Variants in KANSL1L observed in about 807,000 individuals in gnomAD.
The protein encoded by KANSL1L is KAT8 regulatory NSL complex subunit 1-like protein.
In KANSL1L, 25 loss-of-function variants were observed where a neutral mutation model predicts 108.6. The observed-to-expected ratio is 0.23, with a 90% CI of 0.17 to 0.32. KANSL1L has a LOEUF of 0.32. KANSL1L is among the 10% of genes least tolerant of loss of function. KANSL1L has a pLI of 1.00. For synonymous variants in KANSL1L, 405 were observed against 395.1 expected (o/e 1.03, Z -0.30); for missense variants, 1,137 against 1,125.7 (o/e 1.01, Z -0.14).
rs1038005557 is a variant in KANSL1L, at chr2:210,104,448, T to C, written c.1231-147A>G. 2.6e-5 allele frequency: 16 copies of C among 619,410 alleles called. No individual in the cohort carries two copies. In the African/African-American group the frequency reaches 2.8e-4, roughly 11 times the overall value. 38.4% of individuals were successfully genotyped at this position (619,410 alleles called of 1,614,324 possible). A position where few individuals can be genotyped will look rare whatever the true frequency, so the allele number is the denominator to read the frequency against. ...TTGATAGTTTAACTCTGTAAAGAAC[T>C]GGCTGGTTTAAAACACATGTAGCTA... On this transcript the variant is annotated intron_variant, in intron 3 of 14. Coordinates refer to ENST00000281772, the MANE Select transcript of KANSL1L (RefSeq NM_152519.4).
At chr2:210,057,472 C>T (rs866391120) in intron 6 of KANSL1L, among the ~76,000 whole-genome samples, 28 of 152,258 alleles carry the variant, frequency 1.8e-4, no homozygotes, top group Middle Eastern at 6.8e-3. Flanking sequence ...GAGGCTGAGA[C>T]AGGCAGATCA....
intron 14 of KANSL1L, 61 bp from the exon 15 acceptor site, chr2:210,023,240 A>C (rs2093885378): frequency 8.6e-7 from 1 of 1,156,548 alleles, no homozygotes; most frequent in East Asian, 2.4e-5. Flanking sequence ...AATTCATCTA[A>C]CAAGTAATCT....
At chr2:210,107,701 T>A (rs1035950382) in intron 3 of KANSL1L, among the ~76,000 whole-genome samples, 5 of 151,708 alleles carry the variant, frequency 3.3e-5, no homozygotes, top group South Asian at 2.1e-4. Flanking sequence ...GCTAATTTTT[T>A]AAAAAATATT....
At chr2:210,100,688 G>A (rs982077489) in intron 4 of KANSL1L, among the ~76,000 whole-genome samples, 1 of 152,174 alleles carries the variant, frequency 6.6e-6, no homozygotes, top group African/African-American at 2.4e-5. Context: ...ATCCAGGCTA[G>A]AGTGCAGTGG....
chr2:210,042,002 GA>G (rs1171791552), intron 7 of KANSL1L, among the ~76,000 whole-genome samples: 2 of 152,144 alleles, frequency 1.3e-5, no homozygotes, highest in Non-Finnish European at 2.9e-5. Context: ...TCAGGATTCT[GA>G]TATTTTCCAA....
chr2:210,063,596 G>C (rs2094440538), intron 6 of KANSL1L, among the ~76,000 whole-genome samples: 1 of 152,194 alleles, frequency 6.6e-6, no homozygotes, highest in Non-Finnish European at 1.5e-5. Flanking sequence ...CTGGGTGTGA[G>C]ACATAGAGTC....
At chr2:210,081,256 A>G (rs1208794570) in intron 5 of KANSL1L, among the ~76,000 whole-genome samples, 1 of 152,150 alleles carries the variant, frequency 6.6e-6, no homozygotes, top group Non-Finnish European at 1.5e-5. Flanking sequence ...TTAGGTTGAC[A>G]TTTCCAACCA....
At chr2:210,150,792 AAAAAAGAAAAAAG>A (rs1380577575) in intron 2 of KANSL1L, among the ~76,000 whole-genome samples, 1 of 151,846 alleles carries the variant, frequency 6.6e-6, no homozygotes, top group African/African-American at 2.4e-5. Context: ...TAAAAAAAAA[AAAAAAGAAAAAAG>A]AAAAAGAAAA....
intron 6 of KANSL1L, among the ~76,000 whole-genome samples, chr2:210,074,988 A>G (rs1182368103): frequency 2.6e-5 from 4 of 152,228 alleles, no homozygotes; most frequent in Admixed American, 6.5e-5. Context: ...CACATGAAAA[A>G]TATGTTTTAC....
intron 1 of KANSL1L, among the ~76,000 whole-genome samples, chr2:210,167,980 G>A (rs1360641877): frequency 6.6e-6 from 1 of 151,852 alleles, no homozygotes; most frequent in African/African-American, 2.4e-5. Context: ...GAAAAAGAAA[G>A]GTAGAAATCT....
Position 210,098,670 on chromosome 2 carries a change from C to T in KANSL1L, c.1429-463G>A, listed in dbSNP as rs574340858. Among the ~76,000 whole-genome samples the T allele has an allele frequency of 3.3e-5, 5 of 152,000 alleles. No individual in the cohort carries two copies. The East Asian group carries it at 5.8e-4, about 18-fold the overall frequency. ...GACATCACTATTATTAATAACAGAACAGATGAGTAAATTCTAGCAAAGAAA... is the reference window on the plus strand; with the variant it reads ...GACATCACTATTATTAATAACAGAATAGATGAGTAAATTCTAGCAAAGAAA... On this transcript the variant is annotated intron_variant, in intron 4 of 14. Transcript: ENST00000281772.
At chr2:210,169,634 AG>A (rs761829234) in intron 1 of KANSL1L, among the ~76,000 whole-genome samples, 7 of 152,056 alleles carry the variant, frequency 4.6e-5, no homozygotes, top group Non-Finnish European at 8.8e-5. Context: ...GCCTGGATTA[AG>A]AAGTTTCACA....
intron 2 of KANSL1L, among the ~76,000 whole-genome samples, chr2:210,134,277 CCTTTT>C (rs1273343061): frequency 1.3e-5 from 2 of 152,018 alleles, no homozygotes; most frequent in Non-Finnish European, 2.9e-5. Context: ...TTCACATTTT[CCTTTT>C]AAGTCCTTGA....
intron 3 of KANSL1L, among the ~76,000 whole-genome samples, chr2:210,128,627 A>G (rs1331501545): frequency 6.6e-6 from 1 of 152,170 alleles, no homozygotes. Context: ...TAATGGGTTT[A>G]GAGCTTCAGT....
chr2:210,065,743 G>A lies in KANSL1L; in HGVS notation c.1755+9809C>T, dbSNP rs1004065503. ...TGGGATTACAGATGCGCACCACCAC[G>A]CCCGGCTAATATTTGTATTTTTAGA... is the stretch of plus-strand genomic sequence containing the variant. On this transcript the variant is annotated intron_variant, in intron 6 of 14. Transcript: ENST00000281772. Among the ~76,000 whole-genome samples the A allele has an allele frequency of 2.6e-5, 4 of 151,810 alleles. 1 individual carries two copies. Among genetic ancestry groups the A allele is most frequent in the Admixed American group, 6.6e-5 (1 of 15,228 alleles).
intron 5 of KANSL1L, among the ~76,000 whole-genome samples, chr2:210,080,681 A>G (rs1272018873): frequency 6.6e-6 from 1 of 152,162 alleles, no homozygotes; most frequent in Non-Finnish European, 1.5e-5. Flanking sequence ...ACCTTAACAA[A>G]CTATAGTTCA....
chr2:210,158,440 CA>C lies in KANSL1L; in HGVS notation c.-29-3830del, dbSNP rs754144660. On this transcript the variant is annotated intron_variant, in intron 1 of 14. Coordinates refer to ENST00000281772, the MANE Select transcript of KANSL1L (RefSeq NM_152519.4). ...TTGCCCTAGCCAACACCTTGATTAA[CA>C]ACAGCCTTATGAGAGACCTTGAGCC... 2.2e-4 allele frequency among the ~76,000 whole-genome samples: 33 copies of C among 152,128 alleles called. No homozygotes were observed. In the East Asian group the frequency reaches 2.7e-3, roughly 12 times the overall value.
intron 5 of KANSL1L, among the ~76,000 whole-genome samples, chr2:210,085,426 G>A (rs901058748): frequency 2.0e-5 from 3 of 151,964 alleles, no homozygotes; most frequent in African/African-American, 4.8e-5. Flanking sequence ...ACTTAAAGTG[G>A]GACTTTTTAA....
At position 210,129,056 on chromosome 2, in the gene KANSL1L, A is replaced by G. The variant is rs1316028628; in HGVS notation, c.1205T>C (p.Ile402Thr). Residue 402 changes from isoleucine (I) to threonine (T), a missense_variant, in exon 3 of 15, where the codon ATT (isoleucine) becomes ACT (threonine). Around this residue, in one of 3 missense-constraint regions of KANSL1L, gnomAD observed 556 missense variants for 537.7 expected, o/e 1.03. Coordinates refer to ENST00000281772, the MANE Select transcript of KANSL1L (RefSeq NM_152519.4). Reference sequence around the variant, plus strand: ...CTTGGAGGCACGAATTTGCCTGTGAATGTCTGTTAGTTGTTGGATTTTGCA... The same window carrying G: ...CTTGGAGGCACGAATTTGCCTGTGAGTGTCTGTTAGTTGTTGGATTTTGCA... Reference protein sequence around the residue: ...LECKIQQLTDIHRQIRASKGI... With the variant: ...LECKIQQLTDTHRQIRASKGI... The G allele has an allele frequency of 5.6e-6, 9 of 1,613,758 alleles. No homozygotes were observed. The African/African-American group carries it at 9.3e-5, about 17-fold the overall frequency.
Sources: gnomAD v4.1 joint callset for allele counts (sites outside exome capture counted in the v4.1 genomes callset) on GRCh38, gnomAD v4.1.1 for gene constraint, gnomAD v4.1.1 regional missense constraint, MANE v1.5 for transcripts, NCBI Gene and HGNC (gene_info 2026-07-23, HGNC 2026-07-21) for gene names.